The following PLCB1 variants were observed in gnomAD, a reference collection of about 807,000 sequenced individuals.
PLCB1 encodes 1-phosphatidylinositol 4,5-bisphosphate phosphodiesterase beta-1.
A neutral mutation model predicts 161.8 loss-of-function variants in PLCB1; 46 were observed. The ratio of observed to expected loss-of-function variants is 0.28; its 90% CI spans 0.22 to 0.36. PLCB1 has a LOEUF of 0.36. Ranked by LOEUF, PLCB1 falls within the 10% of genes least tolerant of loss-of-function variation. PLCB1 has a pLI of 1.00. For synonymous variants in PLCB1, 517 were observed against 503.7 expected, an observed-to-expected ratio of 1.03 and a Z score of -0.35; for missense variants, 1,016 against 1,472.5, an observed-to-expected ratio of 0.69 and a Z score of 5.07.
chr20:8,477,791 G>A (rs769536938), intron 3 of PLCB1, among the ~76,000 whole-genome samples: 18 of 152,170 alleles, frequency 1.2e-4, no homozygotes, highest in Non-Finnish European at 1.8e-4. Flanking sequence ...GGGCGATGGC[G>A]CCAAGACAGT....
At chr20:8,551,126 A>G (rs1985761732) in intron 3 of PLCB1, among the ~76,000 whole-genome samples, 1 of 152,186 alleles carries the variant, frequency 6.6e-6, no homozygotes, top group Admixed American at 6.5e-5. Flanking sequence ...TCACTCATAA[A>G]TTCTTTTGCT....
intron 9 of PLCB1, among the ~76,000 whole-genome samples, chr20:8,659,659 A>T (rs986723216): frequency 4.6e-5 from 7 of 152,144 alleles, no homozygotes; most frequent in African/African-American, 1.7e-4. Context: ...CATTGTGTTT[A>T]ATCTGGAACT....
At chr20:8,590,451 G>C (rs1987114955) in intron 3 of PLCB1, among the ~76,000 whole-genome samples, 1 of 151,326 alleles carries the variant, frequency 6.6e-6, no homozygotes. Context: ...CTCTTTGGTA[G>C]TTTTTTTTTG....
At chr20:8,758,464 T>G (rs993859246) in intron 24 of PLCB1, among the ~76,000 whole-genome samples, 1 of 151,776 alleles carries the variant, frequency 6.6e-6, no homozygotes, top group Admixed American at 6.6e-5. Context: ...TGCCTGTAGT[T>G]CCAGCAACTC....
At chr20:8,437,645 A>T (rs373409671) in intron 3 of PLCB1, among the ~76,000 whole-genome samples, 3 of 152,276 alleles carry the variant, frequency 2.0e-5, no homozygotes, top group African/African-American at 7.2e-5. Context: ...GTTTATTTCT[A>T]CCATTATTTG....
In PLCB1 at chr20:8,610,880, G is replaced by A. The variant is rs988636651; in HGVS notation, c.247-17414G>A. On this transcript the variant is annotated intron_variant, in intron 3 of 31. Transcript: ENST00000338037. ...TATGATAAATTTCAAGTTGATTTTT[G>A]CATATAGTGTGAGGTAAGGGTCCAA... 7.2e-5 allele frequency among the ~76,000 whole-genome samples: 11 copies of A among 151,954 alleles called. No individual in the cohort carries two copies. In the East Asian group the frequency reaches 2.1e-3, roughly 29 times the overall value.
intron 2 of PLCB1, among the ~76,000 whole-genome samples, chr20:8,287,718 T>TA (rs1983189846): frequency 6.6e-6 from 1 of 152,212 alleles, no homozygotes; most frequent in South Asian, 2.1e-4. Context: ...CACAAACTAG[T>TA]AATTACTCAC....
At chr20:8,221,225 A>T (rs1324812570) in intron 2 of PLCB1, among the ~76,000 whole-genome samples, 1 of 152,178 alleles carries the variant, frequency 6.6e-6, no homozygotes, top group Non-Finnish European at 1.5e-5. Flanking sequence ...GTGAGCCAAG[A>T]ACTTAAAAAA....
intron 31 of PLCB1, among the ~76,000 whole-genome samples, chr20:8,847,098 A>G (rs938089292): frequency 1.3e-5 from 2 of 152,178 alleles, no homozygotes; most frequent in Admixed American, 6.6e-5. Context: ...TTTAAAAGCT[A>G]CCCAAGTGAT....
In PLCB1 at chr20:8,774,713, T is replaced by G. The variant is rs1458003629; in HGVS notation, c.3105T>G (p.Ile1035Met). 1.3e-5 allele frequency: 20 copies of G among 1,593,442 alleles called. No homozygotes were observed. The highest frequency in any genetic ancestry group is 1.7e-4 in the Middle Eastern group (1 of 5,978). The stretch of plus-strand genomic sequence containing the variant: ...AAAAATACCAGAAGCGAGAACATAT[T>G]AAACTGGTGAGCCTGAGAAACATGA... ...YSEKYQKREHIKLLIQKLTDV... is the reference protein window; with the variant it reads ...YSEKYQKREHMKLLIQKLTDV... The change falls in exon 27 of 32, where the codon ATT becomes ATG. Residue 1035 changes from isoleucine (I) to methionine (M), a missense_variant. By Grantham distance (10) the Ile-to-Met change is conservative. This residue lies in a region of PLCB1 where 398 missense variants were observed against 445.4 expected (regional missense o/e 0.89). Transcript: ENST00000338037.
chr20:8,566,671 T>A (rs948552123), intron 3 of PLCB1, among the ~76,000 whole-genome samples: 1 of 152,212 alleles, frequency 6.6e-6, no homozygotes, highest in African/African-American at 2.4e-5. Context: ...GTTCCTGGTG[T>A]TGTAACATAA....
chr20:8,152,926 T>C (rs2051524231), intron 2 of PLCB1, among the ~76,000 whole-genome samples: 1 of 152,170 alleles, frequency 6.6e-6, no homozygotes, highest in African/African-American at 2.4e-5. Context: ...GGCCACATTT[T>C]ATGATGTTCT....
chr20:8,605,919 A>C (rs1455240369), intron 3 of PLCB1, among the ~76,000 whole-genome samples: 1 of 151,970 alleles, frequency 6.6e-6, no homozygotes, highest in African/African-American at 2.4e-5. Flanking sequence ...TTTCTGAGTT[A>C]TTTCTTTTAG....
intron 2 of PLCB1, among the ~76,000 whole-genome samples, chr20:8,186,780 A>G (rs1227577426): frequency 6.6e-6 from 1 of 152,296 alleles, no homozygotes; most frequent in East Asian, 1.9e-4. Flanking sequence ...ACTGTGATGC[A>G]CATTTGACCC....
intron 2 of PLCB1, among the ~76,000 whole-genome samples, chr20:8,152,444 T>C (rs1252846998): frequency 6.6e-6 from 1 of 152,068 alleles, no homozygotes; most frequent in Non-Finnish European, 1.5e-5. Flanking sequence ...CTAGAAGAAA[T>C]GGTGCATGCA....
intron 3 of PLCB1, among the ~76,000 whole-genome samples, chr20:8,572,133 AC>A (rs1986542066): frequency 6.6e-6 from 1 of 152,240 alleles, no homozygotes; most frequent in African/African-American, 2.4e-5. Context: ...TAATTTATAT[AC>A]AGAATCACAA....
At chr20:8,822,795 A>T (rs574084336) in intron 31 of PLCB1, among the ~76,000 whole-genome samples, 1 of 152,234 alleles carries the variant, frequency 6.6e-6, no homozygotes, top group East Asian at 1.9e-4. Context: ...TCTACCTTTG[A>T]TCTGTTGCAA....
At position 8,219,816 on chromosome 20, in the gene PLCB1, G is replaced by A. The variant is rs144735187; in HGVS notation, c.177+69445G>A. 1.7e-4 allele frequency among the ~76,000 whole-genome samples: 26 copies of A among 152,226 alleles called. No individual in the cohort carries two copies. In the East Asian group the frequency reaches 4.6e-3, roughly 27 times the overall value. ...TACATAAGAATTTGAATTGTTATAT[G>A]TTAAAAACTTATTTCTTCACATTGA... On this transcript the variant is annotated intron_variant, in intron 2 of 31. Coordinates refer to ENST00000338037, the MANE Select transcript of PLCB1 (RefSeq NM_015192.4).
intron 23 of PLCB1, 64 bp downstream of exon 23, chr20:8,741,637 T>C: frequency 1.9e-6 from 2 of 1,035,494 alleles, no homozygotes; most frequent in South Asian, 1.3e-5. Context: ...CTTGTTGGCT[T>C]TGCCTAAGTA....
Sources: gnomAD v4.1 joint callset for allele counts (sites outside exome capture counted in the v4.1 genomes callset) on GRCh38, gnomAD v4.1.1 for gene constraint, gnomAD v4.1.1 regional missense constraint, MANE v1.5 for transcripts, NCBI Gene and HGNC (gene_info 2026-07-23, HGNC 2026-07-21) for gene names.